Variants in TNNI3K observed in about 807,000 individuals in gnomAD.
TNNI3K encodes the protein TNNI3 interacting kinase, also known as serine/threonine-protein kinase TNNI3K.
In TNNI3K, 140 loss-of-function variants were observed where a neutral mutation model predicts 114.5. That is an observed-to-expected ratio of 1.22 (90% CI 1.07 to 1.41). The LOEUF is 1.41. Ranked by LOEUF, TNNI3K falls within the 40% of genes most tolerant of loss-of-function variation. The pLI, the probability that TNNI3K is intolerant of heterozygous loss-of-function variation, is 0.00. For missense variants in TNNI3K, 1,125 were observed against 1,007.6 expected, an observed-to-expected ratio of 1.12 and a Z score of -1.58; for synonymous variants, 347 against 347.5, an observed-to-expected ratio of 1.00 and a Z score of 0.02.
In TNNI3K at chr1:74,302,825, C is replaced by T. The variant is rs559527794; in HGVS notation, c.445-28625C>T. Among the ~76,000 whole-genome samples, 11 of 152,266 alleles carry T rather than the reference C, an allele frequency of 7.2e-5. No homozygotes were observed. In the South Asian group the frequency reaches 2.3e-3, roughly 32 times the overall value. The stretch of plus-strand genomic sequence containing the variant: ...AAAGTGCAAGGTGAAGCAACAAGTG[C>T]TGATGTAAACACTGAAGCAAATTAT... On this transcript the variant is annotated intron_variant, in intron 5 of 24. Transcript: ENST00000326637.
chr1:74,436,442 C>T, intron 18 of TNNI3K, 32 bp from the exon 19 acceptor site: 7 of 1,561,240 alleles, frequency 4.5e-6, no homozygotes, highest in Non-Finnish European at 6.0e-6. Flanking sequence ...AAGATATTTC[C>T]TTTGACGTGA....
intron 23 of TNNI3K, among the ~76,000 whole-genome samples, chr1:74,501,180 TATCCTGCTTTCTGGGTA>T (rs1249981793): frequency 7.9e-5 from 12 of 152,230 alleles, no homozygotes; most frequent in African/African-American, 2.9e-4. Context: ...TTACTTTCTC[TATCCTGCTTTCTGGGTA>T]ATTTTTTCAG....
chr1:74,491,579 A>G (rs1001128703), intron 22 of TNNI3K, among the ~76,000 whole-genome samples: 2 of 152,180 alleles, frequency 1.3e-5, no homozygotes, highest in Non-Finnish European at 2.9e-5. Context: ...AAACTATCAC[A>G]TGGTAAAGGG....
chr1:74,309,501 A>G (rs989279687), intron 5 of TNNI3K, among the ~76,000 whole-genome samples: 3 of 152,064 alleles, frequency 2.0e-5, no homozygotes, highest in South Asian at 2.1e-4. Flanking sequence ...CAAGTACACA[A>G]CAAAAAAGTA....
intron 9 of TNNI3K, among the ~76,000 whole-genome samples, chr1:74,350,332 T>A (rs934837707): frequency 2.6e-5 from 4 of 152,148 alleles, no homozygotes; most frequent in Non-Finnish European, 4.4e-5. Flanking sequence ...GGTCTGAAAG[T>A]CAGTTTGTTA....
intron 17 of TNNI3K, among the ~76,000 whole-genome samples, chr1:74,434,349 T>C (rs1462269319): frequency 6.6e-6 from 1 of 152,052 alleles, no homozygotes; most frequent in Non-Finnish European, 1.5e-5. Flanking sequence ...GCCAAGATCT[T>C]TCCCCAATCT....
Position 74,236,227 on chromosome 1 carries a change from C to A in TNNI3K, c.149+17C>A. ...TATATTTGGGTAAAGTTGTAAGAGTCATTATTTCTTTGTATAAGTGTCTTC... is the reference window on the plus strand; with the variant it reads ...TATATTTGGGTAAAGTTGTAAGAGTAATTATTTCTTTGTATAAGTGTCTTC... On this transcript the variant is annotated intron_variant, in intron 2 of 24. Coordinates refer to ENST00000326637, the MANE Select transcript of TNNI3K (RefSeq NM_015978.3). 1.9e-6 allele frequency: 3 copies of A among 1,589,182 alleles called. No individual in the cohort carries two copies. Among genetic ancestry groups the A allele is most frequent in the South Asian group, 2.3e-5 (2 of 88,506 alleles).
intron 23 of TNNI3K, among the ~76,000 whole-genome samples, chr1:74,527,760 TCTTCC>T (rs760212932): frequency 1.1e-4 from 16 of 152,238 alleles, no homozygotes; most frequent in Non-Finnish European, 1.5e-4. Flanking sequence ...CTGTTTTATC[TCTTCC>T]CTTCCCTTCA....
chr1:74,529,138 T>C (rs960009163), intron 23 of TNNI3K, among the ~76,000 whole-genome samples: 3 of 152,228 alleles, frequency 2.0e-5, no homozygotes, highest in Non-Finnish European at 2.9e-5. Flanking sequence ...AATATTTATA[T>C]AGTCTCAAAA....
intron 6 of TNNI3K, among the ~76,000 whole-genome samples, chr1:74,334,963 C>A (rs1660391344): frequency 6.6e-6 from 1 of 152,066 alleles, no homozygotes; most frequent in Non-Finnish European, 1.5e-5. Flanking sequence ...TTTTCAAGGT[C>A]AAAAAATGTG....
chr1:74,339,936 A>G (rs1355691529), intron 7 of TNNI3K, among the ~76,000 whole-genome samples: 4 of 152,106 alleles, frequency 2.6e-5, no homozygotes, highest in Non-Finnish European at 5.9e-5. Flanking sequence ...AAATAACACA[A>G]TCCTTGCAAC....
At chr1:74,520,382 C>G (rs1646414692) in intron 23 of TNNI3K, among the ~76,000 whole-genome samples, 1 of 152,024 alleles carries the variant, frequency 6.6e-6, no homozygotes, top group Admixed American at 6.6e-5. Flanking sequence ...GTTCCACCAC[C>G]TTTCTTCCTC....
chr1:74,421,968 ATT>A (rs1665419252), intron 17 of TNNI3K, among the ~76,000 whole-genome samples: 1 of 127,304 alleles, frequency 7.9e-6, no homozygotes, highest in Non-Finnish European at 1.6e-5. Flanking sequence ...TATTATTATT[ATT>A]ATTATTATTA....
chr1:74,285,671 A>G (rs1657286231), intron 5 of TNNI3K, among the ~76,000 whole-genome samples: 1 of 152,170 alleles, frequency 6.6e-6, no homozygotes, highest in South Asian at 2.1e-4. Flanking sequence ...CAATATTGTG[A>G]TTTTTGCATA....
intron 5 of TNNI3K, among the ~76,000 whole-genome samples, chr1:74,289,079 T>TA (rs535061987): frequency 2.0e-5 from 3 of 151,446 alleles, no homozygotes; most frequent in Non-Finnish European, 4.4e-5. Context: ...AAATAAATAT[T>TA]AAAAAAATCA....
At chr1:74,508,916 A>G (rs956046987) in intron 23 of TNNI3K, among the ~76,000 whole-genome samples, 1 of 152,220 alleles carries the variant, frequency 6.6e-6, no homozygotes, top group East Asian at 1.9e-4. Context: ...CAGAAAATTC[A>G]TATAAAACAC....
intron 23 of TNNI3K, among the ~76,000 whole-genome samples, chr1:74,529,333 C>A (rs1310790661): frequency 6.6e-6 from 1 of 152,146 alleles, no homozygotes. Flanking sequence ...TCCAAAGATG[C>A]ATAATTTGAA....
chr1:74,299,134 C>G (rs533924911), intron 5 of TNNI3K, among the ~76,000 whole-genome samples: 2 of 152,072 alleles, frequency 1.3e-5, no homozygotes, highest in East Asian at 3.9e-4. Context: ...AATTAAAAAC[C>G]TCCTGAATCA....
rs1319334931 is a variant in TNNI3K at position 74,236,143 on chromosome 1, A to G, written c.82A>G (p.Ile28Val). 5.6e-6 allele frequency: 9 copies of G among 1,608,468 alleles called. No individual in the cohort carries two copies. The highest frequency in any genetic ancestry group is 1.7e-5 in the Admixed American group (1 of 59,744). ...AGTCAGTGAATCATATGTTATCACA[A>G]TAGAAAGATTAGAAGATGACCTGCA... is the stretch of plus-strand genomic sequence containing the variant. ...KKVSESYVIT[I>V]ERLEDDLQIK... The change falls in exon 2 of 25, where the codon ATA becomes GTA. Residue 28 changes from isoleucine to valine, a missense_variant. Ile to Val is a conservative substitution (Grantham distance 29). Transcript: ENST00000326637.
Sources: allele counts gnomAD v4.1 joint callset (sites outside exome capture counted in the v4.1 genomes callset), GRCh38; gene constraint gnomAD v4.1.1; transcripts MANE v1.5; gene names NCBI Gene and HGNC (gene_info 2026-07-23, HGNC 2026-07-21).